The following GALNT9 variants were observed in gnomAD, a reference collection of about 807,000 sequenced individuals.
The protein encoded by GALNT9 is GalNAc transferase 9.
A neutral mutation model predicts 63.1 loss-of-function variants in GALNT9; 47 were observed. The ratio of observed to expected loss-of-function variants is 0.75; its 90% CI spans 0.59 to 0.95. The LOEUF (loss-of-function observed/expected upper bound fraction) is 0.95, where lower values mean the gene tolerates loss of function less well. Ranked by LOEUF, GALNT9 falls within the 40% of genes least tolerant of loss-of-function variation. The pLI is 0.00. For missense variants in GALNT9, 829 were observed against 874.8 expected, an observed-to-expected ratio of 0.95 and a Z score of 0.66; for synonymous variants, 396 against 365.7, an observed-to-expected ratio of 1.08 and a Z score of -0.94.
At chr12:132,262,946 G>T (rs1255594498) in intron 2 of GALNT9, among the ~76,000 whole-genome samples, 1 of 152,168 alleles carries the variant, frequency 6.6e-6, no homozygotes, top group Admixed American at 6.5e-5. Flanking sequence ...CAGTAACACA[G>T]CACTCAGCAC....
chr12:132,312,652 CAGG>C (rs1342415424), intron 1 of GALNT9, among the ~76,000 whole-genome samples: 4 of 152,234 alleles, frequency 2.6e-5, no homozygotes, highest in Admixed American at 6.5e-5. Context: ...GGGTCAAAGA[CAGG>C]AGGAGACCTC....
At chr12:132,207,987 G>A (rs549276984) in intron 6 of GALNT9, among the ~76,000 whole-genome samples, 15 of 152,270 alleles carry the variant, frequency 9.9e-5, no homozygotes, top group East Asian at 1.9e-4. Context: ...TCTTTTCTGC[G>A]TCAGAGTTAA....
intron 2 of GALNT9, among the ~76,000 whole-genome samples, chr12:132,285,891 CAGAG>C (rs1357965621): frequency 6.6e-6 from 1 of 151,920 alleles, no homozygotes; most frequent in Non-Finnish European, 1.5e-5. Flanking sequence ...GAGGGAGAGA[CAGAG>C]AGAGACAGGA....
At position 132,286,274 on chromosome 12, in the gene GALNT9, C is replaced by G. The variant is rs1880586064; in HGVS notation, c.395G>C (p.Ser132Thr). ...CTTTCTGGGCCGGTAGTCGGGGATG[C>G]TCCGATCGAGGGAGATGCGGTCGCT... Reference protein sequence around the residue: ...QLSDRISLDRSIPDYRPRKCR... With the variant: ...QLSDRISLDRTIPDYRPRKCR... The change falls in exon 2 of 11, where the codon AGC becomes ACC. Residue 132 changes from serine (S) to threonine (T), a missense_variant. By Grantham distance (58) the Ser-to-Thr change is moderately conservative (BLOSUM62 1). Coordinates refer to ENST00000328957, the MANE Select transcript of GALNT9 (RefSeq NM_001122636.2). This position sits in a 1 kb window ranked among gnomAD's most constrained non-coding sequence, Gnocchi z 7.4. 6.4e-7 allele frequency: 1 copy of G among 1,550,984 alleles called. No homozygotes were observed. The highest frequency in any genetic ancestry group is 1.4e-5 in the African/African-American group (1 of 73,048).
At chr12:132,323,789 T>C (rs1868909892) in intron 1 of GALNT9, among the ~76,000 whole-genome samples, 1 of 152,136 alleles carries the variant, frequency 6.6e-6, no homozygotes, top group Admixed American at 6.5e-5. Context: ...TCCACAATCA[T>C]GGGGAAGCTG....
At chr12:132,255,689 G>A (rs1046375084) in intron 5 of GALNT9, among the ~76,000 whole-genome samples, 4 of 152,296 alleles carry the variant, frequency 2.6e-5, no homozygotes, top group East Asian at 3.9e-4. Context: ...CCCCACTTCC[G>A]GTCCTCCCGC....
intron 2 of GALNT9, among the ~76,000 whole-genome samples, chr12:132,270,637 G>T (rs1470609491): frequency 6.6e-6 from 1 of 152,172 alleles, no homozygotes; most frequent in Non-Finnish European, 1.5e-5. Context: ...GTCCCAGGTG[G>T]AGCTGTCGGC....
intron 6 of GALNT9, among the ~76,000 whole-genome samples, chr12:132,210,410 T>C (rs1876904328): frequency 6.6e-6 from 1 of 152,158 alleles, no homozygotes; most frequent in East Asian, 1.9e-4. Context: ...GCTGGGGACA[T>C]GCGGCCTTCA....
chr12:132,265,256 T>C lies in GALNT9; in HGVS notation c.420-2631A>G, dbSNP rs1376808692. 2.0e-5 allele frequency among the ~76,000 whole-genome samples: 3 copies of C among 152,190 alleles called. No individual in the cohort carries two copies. The highest frequency in any genetic ancestry group is 7.2e-5 in the African/African-American group (3 of 41,454). ...TGTCCTCCTGCGCTCCTGCTGGGGATGAGGGAGAGGCCACGGGGAGAAAAT... is the reference window on the plus strand; with the variant it reads ...TGTCCTCCTGCGCTCCTGCTGGGGACGAGGGAGAGGCCACGGGGAGAAAAT... On this transcript the variant is annotated intron_variant, in intron 2 of 10. Transcript: ENST00000328957. The surrounding 1 kb of genome is among the most constrained non-coding windows in gnomAD (Gnocchi z 5.3).
rs1377403411 is a variant in GALNT9 at position 132,246,859 on chromosome 12, G to A, written c.1077+1051C>T. 6.6e-6 allele frequency among the ~76,000 whole-genome samples: 1 copy of A among 152,166 alleles called. No homozygotes were observed. The highest frequency in any genetic ancestry group is 2.4e-5 in the African/African-American group (1 of 41,436). On this transcript the variant is annotated intron_variant, in intron 6 of 10. Coordinates refer to ENST00000328957, the MANE Select transcript of GALNT9 (RefSeq NM_001122636.2). This position sits in a 1 kb window ranked among gnomAD's most constrained non-coding sequence, Gnocchi z 4.7. ...CAGTATTATTTAATCTGCCCAACCTGAGTTAAACAATCGCGGCCACGGGGA... is the reference window on the plus strand; with the variant it reads ...CAGTATTATTTAATCTGCCCAACCTAAGTTAAACAATCGCGGCCACGGGGA...
intron 1 of GALNT9, among the ~76,000 whole-genome samples, chr12:132,306,344 C>T (rs1881612843): frequency 1.3e-5 from 2 of 152,228 alleles, no homozygotes; most frequent in African/African-American, 4.8e-5. Context: ...GAGCTGCTGT[C>T]CGGGATGGCG....
At position 132,316,327 on chromosome 12, in the gene GALNT9, C is replaced by T. The variant is rs1399398549; in HGVS notation, c.238+12639G>A. ...AGCCCGACCCCACGTCCCCATTTCA[C>T]GATGCATTTTTATGCCCCTATTCTG... On this transcript the variant is annotated intron_variant, in intron 1 of 10. Coordinates refer to ENST00000328957, the MANE Select transcript of GALNT9 (RefSeq NM_001122636.2). This position sits in a 1 kb window ranked among gnomAD's most constrained non-coding sequence, Gnocchi z 4.3. Among the ~76,000 whole-genome samples the T allele has an allele frequency of 7.2e-5, 11 of 152,126 alleles. No homozygotes were observed. The highest frequency in any genetic ancestry group is 1.7e-4 in the African/African-American group (7 of 41,410).
intron 1 of GALNT9, among the ~76,000 whole-genome samples, chr12:132,318,556 G>C (rs1472879708): frequency 6.6e-6 from 1 of 152,244 alleles, no homozygotes; most frequent in African/African-American, 2.4e-5. Flanking sequence ...CTGGTGCAGT[G>C]TCGCAGCTGC....
rs574251734 is a variant in GALNT9 at position 132,245,967 on chromosome 12, G to A, written c.1077+1943C>T. ...GCCTCGGTGGTGGCTGCGCACTGCC[G>A]GTCCCCGGCACCCTCCCCAGGCTGT... On this transcript the variant is annotated intron_variant, in intron 6 of 10. Transcript: ENST00000328957. This position sits in a 1 kb window ranked among gnomAD's most constrained non-coding sequence, Gnocchi z 6.3. Among the ~76,000 whole-genome samples the A allele has an allele frequency of 2.4e-4, 36 of 152,180 alleles. No individual in the cohort carries two copies. Among genetic ancestry groups the A allele is most frequent in the Non-Finnish European group, 1.2e-4 (8 of 68,008 alleles).
chr12:132,281,471 T>A (rs1880340506), intron 2 of GALNT9, among the ~76,000 whole-genome samples: 1 of 152,236 alleles, frequency 6.6e-6, no homozygotes. Flanking sequence ...AGAAATGGGA[T>A]ATAAATACAT....
chr12:132,199,797 C>A (rs1385674879), intron 8 of GALNT9, among the ~76,000 whole-genome samples: 1 of 152,218 alleles, frequency 6.6e-6, no homozygotes, highest in Non-Finnish European at 1.5e-5. Context: ...CATCGGAGAT[C>A]AGCACAGCCT....
chr12:132,216,348 C>A (rs1877194143), intron 6 of GALNT9, among the ~76,000 whole-genome samples: 1 of 152,242 alleles, frequency 6.6e-6, no homozygotes, highest in Non-Finnish European at 1.5e-5. Flanking sequence ...GGGTCCCTCA[C>A]ACAGGGAGAA....
intron 6 of GALNT9, among the ~76,000 whole-genome samples, chr12:132,215,943 C>A (rs186971653): frequency 1.3e-5 from 2 of 152,146 alleles, no homozygotes; most frequent in African/African-American, 4.8e-5. Context: ...TCCCCAATCC[C>A]CTGTCCAGGA....
chr12:132,205,032 A>G (rs1442608728), intron 6 of GALNT9, among the ~76,000 whole-genome samples: 2 of 151,930 alleles, frequency 1.3e-5, no homozygotes, highest in African/African-American at 4.8e-5. Flanking sequence ...GGTGGTGCCA[A>G]CTGCAGGGGC....
Sources: gnomAD v4.1 joint callset for allele counts (sites outside exome capture counted in the v4.1 genomes callset) on GRCh38, gnomAD v4.1.1 for gene constraint, Gnocchi (gnomAD v3.1) non-coding constraint, MANE v1.5 for transcripts, NCBI Gene and HGNC (gene_info 2026-07-23, HGNC 2026-07-21) for gene names.